The following SMYD3 variants were observed in gnomAD, a reference collection of about 807,000 sequenced individuals.
The protein encoded by SMYD3 is SET and MYND domain containing 3, also known as histone-lysine N-methyltransferase SMYD3.
A neutral mutation model predicts 57.7 loss-of-function variants in SMYD3; 36 were observed. The ratio of observed to expected loss-of-function variants is 0.62; its 90% CI spans 0.48 to 0.82. The LOEUF (loss-of-function observed/expected upper bound fraction) is 0.82. SMYD3 is among the 40% of genes least tolerant of loss of function. SMYD3 has a pLI of 0.00. For missense variants in SMYD3, 515 were observed against 538.8 expected, an observed-to-expected ratio of 0.96 and a Z score of 0.44; for synonymous variants, 211 against 195.0, an observed-to-expected ratio of 1.08 and a Z score of -0.68.
chr1:246,434,077 T>C lies in SMYD3; in HGVS notation c.164+72977A>G, dbSNP rs146707635. 3.6e-3 allele frequency among the ~76,000 whole-genome samples: 541 copies of C among 152,290 alleles called. 3 individuals are homozygous for C. The highest frequency in any genetic ancestry group is 0.012 in the African/African-American group (505 of 41,552). On this transcript the variant is annotated intron_variant, in intron 1 of 11. Coordinates refer to ENST00000490107, the MANE Select transcript of SMYD3 (RefSeq NM_001167740.2). ...GATAGGCTACCTATATGCAGAAGAA[T>C]ACAACTGGACCTCTACCTTTCATCA...
At chr1:246,018,679 C>T (rs2059418310) in intron 5 of SMYD3, among the ~76,000 whole-genome samples, 1 of 150,598 alleles carries the variant, frequency 6.6e-6, no homozygotes, top group Non-Finnish European at 1.5e-5. Flanking sequence ...AATCACAGCT[C>T]ACTGCAGCTT....
intron 5 of SMYD3, among the ~76,000 whole-genome samples, chr1:246,057,357 G>A (rs1318427271): frequency 6.6e-6 from 1 of 152,134 alleles, no homozygotes; most frequent in African/African-American, 2.4e-5. Flanking sequence ...TACAGGTAGT[G>A]GTTTGAATTC....
intron 5 of SMYD3, among the ~76,000 whole-genome samples, chr1:245,951,563 T>C (rs1344983321): frequency 2.4e-5 from 3 of 122,588 alleles, no homozygotes; most frequent in African/African-American, 3.6e-5. Context: ...AGCGAGGCTC[T>C]CTCTCAAAAA....
intron 5 of SMYD3, among the ~76,000 whole-genome samples, chr1:246,252,706 G>C (rs1168991234): frequency 6.6e-6 from 1 of 152,142 alleles, no homozygotes; most frequent in East Asian, 1.9e-4. Flanking sequence ...TGAGGCAGAG[G>C]CATCTTTTCA....
chr1:246,359,815 G>A (rs971784681), intron 1 of SMYD3, among the ~76,000 whole-genome samples: 5 of 152,006 alleles, frequency 3.3e-5, no homozygotes, highest in African/African-American at 1.2e-4. Flanking sequence ...ACACCTTAAG[G>A]TAATGAAAGC....
At chr1:245,756,104 T>A (rs953479662) in intron 11 of SMYD3, among the ~76,000 whole-genome samples, 7 of 148,174 alleles carry the variant, frequency 4.7e-5, no homozygotes, top group Non-Finnish European at 8.9e-5. Flanking sequence ...TATATATATT[T>A]TATATATATA....
intron 5 of SMYD3, among the ~76,000 whole-genome samples, chr1:245,990,178 T>G (rs2058786490): frequency 6.6e-6 from 1 of 152,138 alleles, no homozygotes; most frequent in Non-Finnish European, 1.5e-5. Context: ...AAAGTGATCC[T>G]CCCGCCTCAT....
intron 5 of SMYD3, among the ~76,000 whole-genome samples, chr1:246,252,989 A>G (rs959991976): frequency 6.6e-6 from 1 of 152,236 alleles, no homozygotes; most frequent in Admixed American, 6.5e-5. Context: ...GGCAATACTC[A>G]ACCAAACATG....
In SMYD3 at chr1:245,883,236, A is replaced by AT. The variant is rs539966055; in HGVS notation, c.814-19351dup. Among the ~76,000 whole-genome samples the AT allele has an allele frequency of 7.9e-4, 121 of 152,242 alleles. 1 individual carries two copies. Among genetic ancestry groups the AT allele is most frequent in the African/African-American group, 2.8e-3 (115 of 41,548 alleles). ...ACCAACTGCATTATGGAAACAGCCT[A>AT]TTTTTTCCAAACTGTATAAGCAATA... On this transcript the variant is annotated intron_variant, in intron 8 of 11. Transcript: ENST00000490107.
intron 11 of SMYD3, among the ~76,000 whole-genome samples, chr1:245,753,147 T>C (rs2045463502): frequency 6.6e-6 from 1 of 151,716 alleles, no homozygotes; most frequent in Non-Finnish European, 1.5e-5. Context: ...GGAATGTGTG[T>C]GTAGAGTCTG....
intron 10 of SMYD3, among the ~76,000 whole-genome samples, chr1:245,839,909 A>C (rs890091008): frequency 6.6e-6 from 1 of 152,200 alleles, no homozygotes; most frequent in African/African-American, 2.4e-5. Context: ...AAATAAGAAT[A>C]GGGAGCCATG....
intron 1 of SMYD3, among the ~76,000 whole-genome samples, chr1:246,438,213 G>A (rs2067409790): frequency 6.6e-6 from 1 of 152,118 alleles, no homozygotes; most frequent in African/African-American, 2.4e-5. Flanking sequence ...CGTTCAGAGG[G>A]AATTTTTATA....
chr1:245,967,282 A>C (rs2058179775), intron 5 of SMYD3, among the ~76,000 whole-genome samples: 1 of 152,188 alleles, frequency 6.6e-6, no homozygotes, highest in Admixed American at 6.5e-5. Flanking sequence ...AATTTGACTG[A>C]ATGTTTCAAA....
intron 1 of SMYD3, among the ~76,000 whole-genome samples, chr1:246,443,646 A>G (rs2103021923): frequency 6.6e-6 from 1 of 152,248 alleles, no homozygotes; most frequent in South Asian, 2.1e-4. Flanking sequence ...ACCTAACACC[A>G]ATTTTTTCAC....
chr1:246,414,540 T>C (rs2067026429), intron 1 of SMYD3, among the ~76,000 whole-genome samples: 2 of 152,138 alleles, frequency 1.3e-5, no homozygotes, highest in South Asian at 4.1e-4. Flanking sequence ...ACTCTCACTG[T>C]CATTATTTTT....
At chr1:246,291,922 T>A (rs2064698943) in intron 5 of SMYD3, among the ~76,000 whole-genome samples, 1 of 151,918 alleles carries the variant, frequency 6.6e-6, no homozygotes, top group African/African-American at 2.4e-5. Flanking sequence ...AGACTTACTA[T>A]CCAATACACC....
chr1:246,395,131 T>G (rs2066638966), intron 1 of SMYD3, among the ~76,000 whole-genome samples: 1 of 152,206 alleles, frequency 6.6e-6, no homozygotes, highest in Non-Finnish European at 1.5e-5. Flanking sequence ...GGGTAGAACC[T>G]CCTGGGACAA....
intron 1 of SMYD3, among the ~76,000 whole-genome samples, chr1:246,408,964 C>T (rs1474499843): frequency 6.6e-6 from 1 of 152,206 alleles, no homozygotes; most frequent in Non-Finnish European, 1.5e-5. Flanking sequence ...GCCACCGCAC[C>T]CAGCCAAGTC....
chr1:246,386,892 T>TC (rs202074965), intron 1 of SMYD3, among the ~76,000 whole-genome samples: 7,970 of 147,656 alleles, frequency 0.054, 342 homozygotes, highest in East Asian at 0.15. Context: ...CTTTCTGATA[T>TC]AAAAAAAAAA....
Sources: gnomAD v4.1 joint callset for allele counts (sites outside exome capture counted in the v4.1 genomes callset) on GRCh38, gnomAD v4.1.1 for gene constraint, MANE v1.5 for transcripts, NCBI Gene and HGNC (gene_info 2026-07-23, HGNC 2026-07-21) for gene names.